Variants in CDH10 observed in about 807,000 individuals in gnomAD.
CDH10 encodes cadherin 10.
In CDH10, 30 loss-of-function variants were observed where a neutral mutation model predicts 73.1. The observed-to-expected ratio is 0.41, with a 90% confidence interval of 0.31 to 0.56. CDH10 has a LOEUF of 0.56. Ranked by LOEUF, CDH10 falls within the 20% of genes least tolerant of loss-of-function variation. The pLI, the probability that CDH10 is intolerant of heterozygous loss-of-function variation, is 0.27. For missense variants in CDH10, 815 were observed against 973.7 expected, an observed-to-expected ratio of 0.84 and a Z score of 2.17; for synonymous variants, 345 against 348.2, an observed-to-expected ratio of 0.99 and a Z score of 0.10.
At chr5:24,587,501 T>G (rs535814202) in intron 2 of CDH10, among the ~76,000 whole-genome samples, 1 of 152,282 alleles carries the variant, frequency 6.6e-6, no homozygotes, top group African/African-American at 2.4e-5. Flanking sequence ...CCATTACATA[T>G]GTACTTGTGT....
At chr5:24,622,386 A>G (rs535413373) in intron 1 of CDH10, among the ~76,000 whole-genome samples, 7 of 152,212 alleles carry the variant, frequency 4.6e-5, no homozygotes, top group African/African-American at 1.7e-4. Context: ...TGAGGGAAGA[A>G]GGGACATTTT....
intron 1 of CDH10, among the ~76,000 whole-genome samples, chr5:24,628,472 C>T (rs1369612415): frequency 1.3e-5 from 2 of 152,026 alleles, no homozygotes; most frequent in South Asian, 2.1e-4. Flanking sequence ...CAGTTTAATT[C>T]CATTGCCACC....
intron 1 of CDH10, among the ~76,000 whole-genome samples, chr5:24,608,849 A>C: frequency 6.6e-6 from 1 of 152,304 alleles, no homozygotes; most frequent in South Asian, 2.1e-4. Context: ...AGCAATATAA[A>C]ATGAATAAGC....
At chr5:24,505,929 T>G (rs1183959743) in intron 7 of CDH10, among the ~76,000 whole-genome samples, 1 of 151,910 alleles carries the variant, frequency 6.6e-6, no homozygotes, top group Non-Finnish European at 1.5e-5. Flanking sequence ...GCCTGACCAA[T>G]ATGGTGAAAT....
chr5:24,620,691 G>T (rs941759582), intron 1 of CDH10, among the ~76,000 whole-genome samples: 5 of 152,064 alleles, frequency 3.3e-5, no homozygotes, highest in African/African-American at 1.2e-4. Flanking sequence ...CTTTGAATAT[G>T]CCAGTTGTAT....
chr5:24,507,451 G>C (rs1561129511), intron 7 of CDH10, among the ~76,000 whole-genome samples: 2 of 151,170 alleles, frequency 1.3e-5, no homozygotes, highest in Non-Finnish European at 3.0e-5. Context: ...CTAGTCTTTA[G>C]ACTTGCATCC....
In CDH10 at chr5:24,537,521, C is replaced by G. The variant is rs760804087; in HGVS notation, c.385G>C (p.Ala129Pro). ...AGAGTTCTTCTGTTAATAGCTTGTG[C>G]GCGTAGAGTATAAAAGGCCTTTTCC... ...REEKAFYTLRAQAINRRTLRP... is the reference protein window; with the variant it reads ...REEKAFYTLRPQAINRRTLRP... Residue 129 changes from alanine to proline, a missense_variant, in exon 3 of 12, where the codon GCA becomes CCA. Ala to Pro is a conservative substitution (Grantham distance 27). Around this residue, in one of 3 missense-constraint regions of CDH10, gnomAD observed 516 missense variants for 636.6 expected, o/e 0.81. Transcript: ENST00000264463. 6.2e-7 allele frequency: 1 copy of G among 1,613,218 alleles called. No individual in the cohort carries two copies. Among genetic ancestry groups the G allele is most frequent in the South Asian group, 1.1e-5 (1 of 91,054 alleles).
intron 2 of CDH10, among the ~76,000 whole-genome samples, chr5:24,548,545 G>A (rs1015866332): frequency 1.4e-5 from 2 of 147,912 alleles, no homozygotes; most frequent in Non-Finnish European, 3.0e-5. Flanking sequence ...TGATTTGATG[G>A]GGTCCAATGG....
chr5:24,624,374 A>T (rs1747420205), intron 1 of CDH10, among the ~76,000 whole-genome samples: 1 of 152,154 alleles, frequency 6.6e-6, no homozygotes, highest in South Asian at 2.1e-4. Flanking sequence ...TAATTATCAA[A>T]TATTCCTGTT....
chr5:24,532,252 G>GAAT (rs1405439020), intron 5 of CDH10, among the ~76,000 whole-genome samples: 32 of 151,740 alleles, frequency 2.1e-4, no homozygotes, highest in African/African-American at 7.5e-4. Context: ...TTATAATACT[G>GAAT]AATAATAATA....
At chr5:24,515,436 T>G (rs1198402127) in intron 5 of CDH10, among the ~76,000 whole-genome samples, 1 of 151,904 alleles carries the variant, frequency 6.6e-6, no homozygotes, top group Non-Finnish European at 1.5e-5. Context: ...AGAAGAAGAG[T>G]CCAGTGGACG....
chr5:24,511,244 TG>T, intron 6 of CDH10, 82 bp downstream of exon 6: 1 of 815,382 alleles, frequency 1.2e-6, no homozygotes, highest in Non-Finnish European at 2.0e-6. Flanking sequence ...TATTTCCCAA[TG>T]GATCATTCAT....
rs1032762939 is a variant in CDH10 at position 24,644,920 on chromosome 5, T to A, written c.-450A>T. The stretch of plus-strand genomic sequence containing the variant: ...GCTGATAGAGCTGCAGCACTCGCCA[T>A]GGGAAGGTTAGAGACTGTGGAAGTG... On this transcript the variant is annotated 5_prime_UTR_variant, in exon 1 of 12. An upstream start codon of the reference 5' UTR is lost. Transcript: ENST00000264463. 1 of 151,388 alleles carries A rather than the reference T, an allele frequency of 6.6e-6. No homozygotes were observed. Among genetic ancestry groups the A allele is most frequent in the Non-Finnish European group, 1.5e-5 (1 of 67,910 alleles). 9.4% of individuals were successfully genotyped at this position (151,388 alleles called of 1,614,324 possible).
chr5:24,496,102 A>G (rs1214311838), intron 9 of CDH10, among the ~76,000 whole-genome samples: 1 of 151,998 alleles, frequency 6.6e-6, no homozygotes, highest in African/African-American at 2.4e-5. Flanking sequence ...GAAAATATGT[A>G]ATGGGATATT....
chr5:24,516,887 T>C (rs1285191562), intron 5 of CDH10, among the ~76,000 whole-genome samples: 2 of 151,704 alleles, frequency 1.3e-5, no homozygotes, highest in African/African-American at 2.4e-5. Flanking sequence ...TAGTGCAGTA[T>C]TAAAAATTAA....
intron 2 of CDH10, among the ~76,000 whole-genome samples, chr5:24,581,742 A>C (rs1745810010): frequency 6.6e-6 from 1 of 152,190 alleles, no homozygotes; most frequent in Admixed American, 6.5e-5. Flanking sequence ...CGAAGTGTCA[A>C]AGTAACCGAA....
chr5:24,518,614 G>A (rs1353908483), intron 5 of CDH10, among the ~76,000 whole-genome samples: 2 of 151,734 alleles, frequency 1.3e-5, no homozygotes, highest in South Asian at 2.1e-4. Flanking sequence ...TTCCACTGAG[G>A]GCAAATTCAG....
At position 24,509,581 on chromosome 5, in the gene CDH10, A is replaced by G. The variant is rs764279300; in HGVS notation, c.1241T>C (p.Ile414Thr). The G allele has an allele frequency of 6.2e-7, 1 of 1,613,974 alleles. No homozygotes were observed. The highest frequency in any genetic ancestry group is 2.2e-5 in the East Asian group (1 of 44,860). The part of the protein sequence containing the change: ...GTVMARDPDS[I>T]SSPIRFSLDR... ...GCACACTTACCTAATGGGGCTGGAA[A>G]TAGAATCTGGGTCCCTTGCCATTAC... is the stretch of plus-strand genomic sequence containing the variant. Residue 414 changes from isoleucine to threonine, a missense_variant, in exon 7 of 12, where the codon ATT becomes ACT. Ile to Thr is a moderately conservative substitution (Grantham distance 89, BLOSUM62 -1). Coordinates refer to ENST00000264463, the MANE Select transcript of CDH10 (RefSeq NM_006727.5).
chr5:24,585,931 A>T (rs1745978198), intron 2 of CDH10, among the ~76,000 whole-genome samples: 1 of 152,206 alleles, frequency 6.6e-6, no homozygotes, highest in South Asian at 2.1e-4. Flanking sequence ...TTTGGTGCTA[A>T]GCCTATGATG....
Sources: allele counts gnomAD v4.1 joint callset (sites outside exome capture counted in the v4.1 genomes callset), GRCh38; gene constraint gnomAD v4.1.1; regional missense constraint gnomAD v4.1.1; transcripts MANE v1.5; gene names NCBI Gene and HGNC (gene_info 2026-07-23, HGNC 2026-07-21).